Variants in ZBTB10 observed in about 807,000 individuals in gnomAD.
ZBTB10 encodes the protein zinc finger and BTB domain-containing protein 10.
ZBTB10 carries 32 observed loss-of-function variants against 76.4 expected under a neutral mutation model. That is an observed-to-expected ratio of 0.42 (90% CI 0.32 to 0.56). The LOEUF is 0.56. ZBTB10 is among the 20% of genes least tolerant of loss of function. The pLI, the probability that ZBTB10 is intolerant of heterozygous loss-of-function variation, is 0.14. For missense variants in ZBTB10, 1,057 were observed against 1,098.5 expected (o/e 0.96, Z 0.53); for synonymous variants, 523 against 432.9 (o/e 1.21, Z -2.58).
Position 80,510,639 on chromosome 8 carries a change from A to AGTGTGGGT in ZBTB10, c.1862-3266_1862-3265insGGTGTGTG, listed in dbSNP as rs60169757. On this transcript the variant is annotated intron_variant, in intron 2 of 5. Coordinates refer to ENST00000455036, the MANE Select transcript of ZBTB10 (RefSeq NM_001105539.3). Reference sequence around the variant, plus strand: ...AAAATAGCCGTCATTTTGTGAAACCAGTGTGTGTGTGTGTGTGTGTGTGTG... The same window carrying AGTGTGGGT: ...AAAATAGCCGTCATTTTGTGAAACCAGTGTGGGTGTGTGTGTGTGTGTGTGTGTGTGTG... 7.8e-4 allele frequency among the ~76,000 whole-genome samples: 98 copies of AGTGTGGGT among 125,784 alleles called. 1 individual carries two copies. Among genetic ancestry groups the AGTGTGGGT allele is most frequent in the African/African-American group, 2.2e-3 (73 of 32,648 alleles). The allele number at this position is 125,784 out of a possible 152,430, so 82.5% of individuals were successfully genotyped here.
chr8:80,485,878 G>T (rs1403270893), upstream of ZBTB10: 3 of 1,535,580 alleles, frequency 2.0e-6, no homozygotes, highest in African/African-American at 2.7e-5. Context: ...TCCCGGGCGC[G>T]GGTAGGTGCG....
At position 80,486,277 on chromosome 8, in the gene ZBTB10, G is replaced by C. The variant is rs1271027370; in HGVS notation, c.-534G>C. On this transcript the variant is annotated 5_prime_UTR_variant, in exon 1 of 6. Transcript: ENST00000455036. ...CTGGTCGGACGGAAACGCTCCGCCGGCTTTATTGTCGCTTCGTTATGTGGC... is the reference window on the plus strand; with the variant it reads ...CTGGTCGGACGGAAACGCTCCGCCGCCTTTATTGTCGCTTCGTTATGTGGC... 2.0e-6 allele frequency: 2 copies of C among 1,015,840 alleles called. No homozygotes were observed. The highest frequency in any genetic ancestry group is 2.3e-6 in the Non-Finnish European group (2 of 851,082). The allele number at this position is 1,015,840 out of a possible 1,614,324, so 62.9% of individuals were successfully genotyped here.
rs575608249 is a variant in ZBTB10, at chr8:80,517,523, A to G, written c.1961-880A>G. 2.6e-5 allele frequency among the ~76,000 whole-genome samples: 4 copies of G among 152,302 alleles called. No individual in the cohort carries two copies. In the South Asian group the frequency reaches 6.2e-4, roughly 24 times the overall value. On this transcript the variant is annotated intron_variant, in intron 3 of 5. Coordinates refer to ENST00000455036, the MANE Select transcript of ZBTB10 (RefSeq NM_001105539.3). Reference sequence around the variant, plus strand: ...TATTTAAGGATGGAGTTAGAAAGAAATTTCAGGGAACCCTGAGAGCATTCA... The same window carrying G: ...TATTTAAGGATGGAGTTAGAAAGAAGTTTCAGGGAACCCTGAGAGCATTCA...
intron 3 of ZBTB10, 54 bp from the exon 4 acceptor site, chr8:80,518,346 CTGA>C (rs1816381634): frequency 4.1e-6 from 6 of 1,457,612 alleles, no homozygotes; most frequent in Non-Finnish European, 9.2e-7. Context: ...TTTTCTGACT[CTGA>C]TGAGAGACAG....
At chr8:80,512,020 G>A (rs961544205) in intron 2 of ZBTB10, among the ~76,000 whole-genome samples, 2 of 151,866 alleles carry the variant, frequency 1.3e-5, no homozygotes, top group African/African-American at 2.4e-5. Flanking sequence ...CAGTATCCCC[G>A]TTCTTAAGGA....
At chr8:80,497,915 A>G (rs1285166680) in intron 1 of ZBTB10, among the ~76,000 whole-genome samples, 1 of 151,836 alleles carries the variant, frequency 6.6e-6, no homozygotes, top group Non-Finnish European at 1.5e-5. Flanking sequence ...TACCCACCTC[A>G]GCCTTTCAGT....
chr8:80,506,509 G>T (rs1430390607), intron 2 of ZBTB10, among the ~76,000 whole-genome samples: 1 of 150,958 alleles, frequency 6.6e-6, no homozygotes, highest in African/African-American at 2.5e-5. Context: ...AGACGAGACG[G>T]GTTTTTTTCA....
chr8:80,505,197 T>G (rs1816018960), intron 2 of ZBTB10, among the ~76,000 whole-genome samples: 1 of 152,182 alleles, frequency 6.6e-6, no homozygotes, highest in Non-Finnish European at 1.5e-5. Flanking sequence ...TAATTAAGCT[T>G]TTAATTGGCT....
chr8:80,486,753 G>T lies in ZBTB10; in HGVS notation c.-58G>T. Reference sequence around the variant, plus strand: ...GGGAGCCGCGGGGAGCGCGCGGGACGCGGCCCGAGGCCGTGCGCGAGCCGG... The same window carrying T: ...GGGAGCCGCGGGGAGCGCGCGGGACTCGGCCCGAGGCCGTGCGCGAGCCGG... On this transcript the variant is annotated 5_prime_UTR_variant, in exon 1 of 6. Transcript: ENST00000455036. 9.2e-7 allele frequency: 1 copy of T among 1,082,524 alleles called. No homozygotes were observed. The highest frequency in any genetic ancestry group is 6.2e-5 in the East Asian group (1 of 16,132). The allele number at this position is 1,082,524 out of a possible 1,614,324, so 67.1% of individuals were successfully genotyped here.
intron 1 of ZBTB10, among the ~76,000 whole-genome samples, chr8:80,493,207 G>A (rs2555229): frequency 0.02 from 2,499 of 125,214 alleles, 63 homozygotes; most frequent in African/African-American, 0.05. Context: ...GCGCGCGCGC[G>A]CACACACACA....
At chr8:80,498,282 A>G (rs907609611) in intron 1 of ZBTB10, among the ~76,000 whole-genome samples, 11 of 152,162 alleles carry the variant, frequency 7.2e-5, no homozygotes, top group African/African-American at 2.7e-4. Context: ...TCTAGTGTTT[A>G]TTTCTCCATG....
intron 2 of ZBTB10, among the ~76,000 whole-genome samples, chr8:80,512,871 T>C (rs888395809): frequency 6.6e-6 from 1 of 152,120 alleles, no homozygotes; most frequent in South Asian, 2.1e-4. Context: ...TTATTTTTTC[T>C]GCTTGCCCCA....
At position 80,519,575 on chromosome 8, in the gene ZBTB10, A is replaced by G; in HGVS notation, c.*47A>G. The G allele has an allele frequency of 6.6e-7, 1 of 1,521,810 alleles. No individual in the cohort carries two copies. Among genetic ancestry groups the G allele is most frequent in the Non-Finnish European group, 8.9e-7 (1 of 1,128,708 alleles). The allele number at this position is 1,521,810 out of a possible 1,614,324, so 94.3% of individuals were successfully genotyped here. On this transcript the variant is annotated 3_prime_UTR_variant, in exon 6 of 6. Coordinates refer to ENST00000455036, the MANE Select transcript of ZBTB10 (RefSeq NM_001105539.3). ...GGATGCTGCATTTGGACCTAATATGAATCGACAATTTGGATTGTTGAACTT... is the reference window on the plus strand; with the variant it reads ...GGATGCTGCATTTGGACCTAATATGGATCGACAATTTGGATTGTTGAACTT...
rs538338436 is a variant in ZBTB10 at position 80,489,345 on chromosome 8, G to T, written c.972+1563G>T. Among the ~76,000 whole-genome samples the T allele has an allele frequency of 2.6e-5, 4 of 152,312 alleles. No homozygotes were observed. The East Asian group carries it at 7.7e-4, about 29-fold the overall frequency. On this transcript the variant is annotated intron_variant, in intron 1 of 5. Coordinates refer to ENST00000455036, the MANE Select transcript of ZBTB10 (RefSeq NM_001105539.3). ...CAGAAGAGGAATCTAAAGCCTTAAAGGGTTAAGTAACATTCCTGAAGTTAT... is the reference window on the plus strand; with the variant it reads ...CAGAAGAGGAATCTAAAGCCTTAAATGGTTAAGTAACATTCCTGAAGTTAT...
In ZBTB10 at chr8:80,486,275, C is replaced by T. The variant is rs1815445975; in HGVS notation, c.-536C>T. Reference sequence around the variant, plus strand: ...GCCTGGTCGGACGGAAACGCTCCGCCGGCTTTATTGTCGCTTCGTTATGTG... The same window carrying T: ...GCCTGGTCGGACGGAAACGCTCCGCTGGCTTTATTGTCGCTTCGTTATGTG... On this transcript the variant is annotated 5_prime_UTR_variant, in exon 1 of 6. Transcript: ENST00000455036. 3 of 1,015,010 alleles carry T rather than the reference C, an allele frequency of 3.0e-6. No homozygotes were observed. Among genetic ancestry groups the T allele is most frequent in the Admixed American group, 6.0e-5 (1 of 16,534 alleles). The allele number at this position is 1,015,010 out of a possible 1,614,324, so 62.9% of individuals were successfully genotyped here.
Position 80,518,477 on chromosome 8 carries a change from A to C in ZBTB10, c.2035A>C (p.Thr679Pro), listed in dbSNP as rs930659838. 4 of 1,553,194 alleles carry C rather than the reference A, an allele frequency of 2.6e-6. No homozygotes were observed. The highest frequency in any genetic ancestry group is 3.5e-6 in the Non-Finnish European group (4 of 1,147,816). ...TTTCAAGTATGGATTGATACCAGGT[A>C]CTTCAAATGATTTCAAGTATGGATT... ...NDFKYGLIPGTSNDFKYGLIP... is the reference protein window; with the variant it reads ...NDFKYGLIPGPSNDFKYGLIP... Residue 679 changes from threonine (T) to proline (P), a missense_variant, in exon 4 of 6, where the codon ACT becomes CCT. This residue lies in a region of ZBTB10 where 306 missense variants were observed against 297.5 expected (regional missense o/e 1.03). Transcript: ENST00000455036.
intron 1 of ZBTB10, among the ~76,000 whole-genome samples, chr8:80,499,153 A>G (rs28609923): frequency 0.27 from 40,654 of 152,136 alleles, 6,223 homozygotes; most frequent in African/African-American, 0.42. Context: ...TTTAATTCCT[A>G]TAAGAGAAAG....
rs1563453985 is a variant in ZBTB10 at position 80,487,020 on chromosome 8, GGGCCTGGAGCCCCAA to G, written c.212_226del (p.Gly71_Gln75del). 1.3e-6 allele frequency: 2 copies of G among 1,515,644 alleles called. No individual in the cohort carries two copies. The highest frequency in any genetic ancestry group is 4.1e-5 in the Admixed American group (2 of 48,732). 93.9% of individuals were successfully genotyped at this position (1,515,644 alleles called of 1,614,324 possible). On this transcript the variant is annotated inframe_deletion, in exon 1 of 6. Transcript: ENST00000455036. ...GGGCCGACGAGGAAGTGGAATTGGAGGGCCTGGAGCCCCAAGACCTGGAGGCCTCCGCCGGGCCGG... is the reference window on the plus strand; with the variant it reads ...GGGCCGACGAGGAAGTGGAATTGGAGGACCTGGAGGCCTCCGCCGGGCCGG...
chr8:80,488,743 C>T (rs1306435738), intron 1 of ZBTB10, among the ~76,000 whole-genome samples: 2 of 152,138 alleles, frequency 1.3e-5, no homozygotes. Context: ...TTGATCAGTC[C>T]TCCTTTTTGA....
Sources: gnomAD v4.1 joint callset for allele counts (sites outside exome capture counted in the v4.1 genomes callset) on GRCh38, gnomAD v4.1.1 for gene constraint, gnomAD v4.1.1 regional missense constraint, MANE v1.5 for transcripts, NCBI Gene and HGNC (gene_info 2026-07-23, HGNC 2026-07-21) for gene names.